FSHR: variants seen among roughly 807,000 people sequenced by gnomAD.
The protein encoded by FSHR is follicle stimulating hormone receptor, also known as follicle-stimulating hormone receptor.
Under a neutral mutation model 52.1 loss-of-function variants are expected in FSHR, and 46 were observed. The observed-to-expected ratio is 0.88, with a 90% CI of 0.70 to 1.13. The LOEUF (loss-of-function observed/expected upper bound fraction) is 1.13. Among genes scored for constraint, FSHR ranks in the 50% most tolerant of loss-of-function variants. The pLI is 0.00. For missense variants in FSHR, 964 were observed against 834.6 expected, an observed-to-expected ratio of 1.16 and a Z score of -1.91; for synonymous variants, 399 against 309.6, an observed-to-expected ratio of 1.29 and a Z score of -3.03.
intron 1 of FSHR, among the ~76,000 whole-genome samples, chr2:49,087,674 A>G (rs1240431555): frequency 1.3e-5 from 2 of 152,228 alleles, no homozygotes; most frequent in African/African-American, 4.8e-5. Flanking sequence ...TAAAAATTAC[A>G]TACATATGCA....
At chr2:49,140,205 G>A (rs760943301) in intron 1 of FSHR, among the ~76,000 whole-genome samples, 1 of 152,120 alleles carries the variant, frequency 6.6e-6, no homozygotes, top group Non-Finnish European at 1.5e-5. Flanking sequence ...GGTCATGGGG[G>A]TGGATCCCTC....
At chr2:49,084,720 T>C (rs1670310754) in intron 1 of FSHR, among the ~76,000 whole-genome samples, 1 of 152,200 alleles carries the variant, frequency 6.6e-6, no homozygotes, top group African/African-American at 2.4e-5. Context: ...CAAACACCTC[T>C]ATGCAAATAA....
intron 1 of FSHR, among the ~76,000 whole-genome samples, chr2:49,135,040 A>T (rs530907926): frequency 1.7e-4 from 26 of 152,300 alleles, no homozygotes; most frequent in Middle Eastern, 3.4e-3. Flanking sequence ...CAATGTGCAC[A>T]TGTACCCTAA....
At chr2:49,003,990 A>C (rs1395954413) in intron 4 of FSHR, among the ~76,000 whole-genome samples, 1 of 152,160 alleles carries the variant, frequency 6.6e-6, no homozygotes, top group African/African-American at 2.4e-5. Context: ...TAAACCTCCC[A>C]ATATGAGGCT....
chr2:49,023,992 T>A (rs777826624), intron 2 of FSHR, among the ~76,000 whole-genome samples: 1 of 152,120 alleles, frequency 6.6e-6, no homozygotes, highest in African/African-American at 2.4e-5. Context: ...CGAATAAGCA[T>A]ACAGAATTTG....
chr2:49,062,746 G>C (rs1249788770), intron 2 of FSHR, among the ~76,000 whole-genome samples: 1 of 151,896 alleles, frequency 6.6e-6, no homozygotes, highest in East Asian at 1.9e-4. Flanking sequence ...ATGATCATAT[G>C]GGTCAAATAG....
chr2:49,091,316 A>AT (rs900859185), intron 1 of FSHR, among the ~76,000 whole-genome samples: 3 of 152,038 alleles, frequency 2.0e-5, no homozygotes, highest in African/African-American at 7.2e-5. Context: ...TTAAAAAAAA[A>AT]TTTTTGAGAC....
At chr2:48,993,160 C>T (rs989463171) in intron 4 of FSHR, among the ~76,000 whole-genome samples, 9 of 152,010 alleles carry the variant, frequency 5.9e-5, no homozygotes, top group African/African-American at 2.2e-4. Flanking sequence ...ATCTTGCTTC[C>T]TGTGATTTTA....
intron 1 of FSHR, among the ~76,000 whole-genome samples, chr2:49,119,390 T>TG (rs373767808): frequency 6.7e-6 from 1 of 149,664 alleles, no homozygotes; most frequent in Non-Finnish European, 1.5e-5. Flanking sequence ...GTTTTTTTTT[T>TG]GTTTTTGTTT....
At chr2:49,130,355 A>C (rs1306573570) in intron 1 of FSHR, among the ~76,000 whole-genome samples, 1 of 152,188 alleles carries the variant, frequency 6.6e-6, no homozygotes, top group Non-Finnish European at 1.5e-5. Flanking sequence ...TAAATCGCTT[A>C]ATCTCAGTGT....
At chr2:49,051,048 T>A (rs1668839095) in intron 2 of FSHR, among the ~76,000 whole-genome samples, 1 of 152,196 alleles carries the variant, frequency 6.6e-6, no homozygotes, top group Admixed American at 6.5e-5. Context: ...TTATCCATGT[T>A]GTTTTACATA....
At chr2:49,064,289 A>G (rs893053683) in intron 2 of FSHR, among the ~76,000 whole-genome samples, 2 of 152,118 alleles carry the variant, frequency 1.3e-5, no homozygotes, top group Non-Finnish European at 2.9e-5. Context: ...TTAAAACTCA[A>G]TCTCCACTCC....
At chr2:48,978,287 AC>A (rs1288894606) in intron 8 of FSHR, among the ~76,000 whole-genome samples, 1 of 152,240 alleles carries the variant, frequency 6.6e-6, no homozygotes, top group African/African-American at 2.4e-5. Context: ...AGATGTTATT[AC>A]AGGTCAATCA....
At chr2:49,073,436 GA>G (rs1397109266) in intron 1 of FSHR, among the ~76,000 whole-genome samples, 1 of 151,920 alleles carries the variant, frequency 6.6e-6, no homozygotes, top group Non-Finnish European at 1.5e-5. Flanking sequence ...GAGAATTCAA[GA>G]AGGCAACCTC....
At chr2:48,967,304 A>G (rs1674521857) in intron 9 of FSHR, among the ~76,000 whole-genome samples, 1 of 151,864 alleles carries the variant, frequency 6.6e-6, no homozygotes. Context: ...CCACCATGTT[A>G]CCCAGGCTGG....
chr2:49,097,771 A>C (rs1382832544), intron 1 of FSHR, among the ~76,000 whole-genome samples: 1 of 152,210 alleles, frequency 6.6e-6, no homozygotes, highest in Non-Finnish European at 1.5e-5. Flanking sequence ...TAGAAAAGTA[A>C]GTTTTAAACT....
chr2:48,983,079 A>G lies in FSHR; in HGVS notation c.593+19T>C, dbSNP rs373416539. On this transcript the variant is annotated intron_variant, in intron 7 of 9. Transcript: ENST00000406846. ...CATTTCCCTTTAAATGGCCTTGAAG[A>G]ATAGTCAGGGCTACTTACAGCTCAT... The G allele has an allele frequency of 2.5e-6, 4 of 1,613,532 alleles. No individual in the cohort carries two copies. Among genetic ancestry groups the G allele is most frequent in the South Asian group, 1.1e-5 (1 of 91,066 alleles).
At chr2:48,990,721 A>G (rs1675732456) in intron 4 of FSHR, 84 bp from the exon 5 acceptor site, 2 of 873,906 alleles carry the variant, frequency 2.3e-6, no homozygotes, top group Admixed American at 1.7e-5. Context: ...CAGAATAAAA[A>G]TATCAATTTT....
intron 1 of FSHR, among the ~76,000 whole-genome samples, chr2:49,112,881 G>A (rs1671469551): frequency 6.6e-6 from 1 of 152,266 alleles, no homozygotes; most frequent in East Asian, 1.9e-4. Flanking sequence ...TGGGCCATTA[G>A]AGATCCAGTC....
Sources: gnomAD v4.1 joint callset for allele counts (sites outside exome capture counted in the v4.1 genomes callset) on GRCh38, gnomAD v4.1.1 for gene constraint, MANE v1.5 for transcripts, NCBI Gene and HGNC (gene_info 2026-07-23, HGNC 2026-07-21) for gene names.